The following BAALC variants were observed in gnomAD, a reference collection of about 807,000 sequenced individuals.
BAALC encodes the protein BAALC binder of MAP3K1 and KLF4.
Under a neutral mutation model 15.5 loss-of-function variants are expected in BAALC, and 9 were observed. That is an observed-to-expected ratio of 0.58 (90% CI 0.35 to 1.02). The LOEUF (loss-of-function observed/expected upper bound fraction) is 1.02, where lower values mean the gene tolerates loss of function less well. BAALC is among the 50% of genes least tolerant of loss of function. The probability of loss-of-function intolerance (pLI) is 0.02; values close to 1 mark genes in which losing one functional copy is unlikely to be tolerated. For missense variants in BAALC, 201 were observed against 192.4 expected (o/e 1.04, Z -0.27); for synonymous variants, 80 against 74.6 (o/e 1.07, Z -0.37).
intron 1 of BAALC, among the ~76,000 whole-genome samples, chr8:103,179,371 G>A (rs192959607): frequency 8.5e-5 from 13 of 152,344 alleles, no homozygotes; most frequent in Non-Finnish European, 1.9e-4. Context: ...TTGTTGGGAA[G>A]TGCTCCTAGC....
intron 1 of BAALC, among the ~76,000 whole-genome samples, chr8:103,192,788 A>G (rs1259909240): frequency 1.3e-5 from 2 of 152,152 alleles, no homozygotes; most frequent in Non-Finnish European, 2.9e-5. Context: ...TGCCATTGCC[A>G]TGGGACAGCA....
intron 1 of BAALC, among the ~76,000 whole-genome samples, chr8:103,157,204 G>T (rs1563636844): frequency 2.0e-5 from 3 of 151,976 alleles, no homozygotes; most frequent in Non-Finnish European, 2.9e-5. Context: ...CCATCTGGTT[G>T]CAATTGCTCA....
chr8:103,151,253 G>A (rs962173080), intron 1 of BAALC, among the ~76,000 whole-genome samples: 1 of 152,058 alleles, frequency 6.6e-6, no homozygotes, highest in Non-Finnish European at 1.5e-5. Context: ...TCCTGACTTC[G>A]TGATCTGCCT....
intron 1 of BAALC, among the ~76,000 whole-genome samples, chr8:103,203,221 C>T (rs1046727273): frequency 6.6e-6 from 1 of 152,186 alleles, no homozygotes; most frequent in African/African-American, 2.4e-5. Context: ...TGGTTCATCA[C>T]AGGGAACAGT....
In BAALC at chr8:103,140,951, C is replaced by G. The variant is rs955443534; in HGVS notation, c.54C>G (p.Ser18Arg). The change falls in exon 1 of 3, where the codon AGC becomes AGG. Residue 18 changes from serine to arginine, a missense_variant. Coordinates refer to ENST00000309982, the MANE Select transcript of BAALC (RefSeq NM_024812.3). The surrounding 1 kb of genome is among the most constrained non-coding windows in gnomAD (Gnocchi z 4.2). ...CCATCGAGCCCCGCTACTACGAGAG[C>G]TGGACCCGGGAGACAGAATCCACCT... ...ADAIEPRYYESWTRETESTWL... is the reference protein window; with the variant it reads ...ADAIEPRYYERWTRETESTWL... The G allele has an allele frequency of 1.5e-5, 23 of 1,540,382 alleles. No homozygotes were observed. Among genetic ancestry groups the G allele is most frequent in the Non-Finnish European group, 1.9e-5 (22 of 1,144,496 alleles).
intron 2 of BAALC, among the ~76,000 whole-genome samples, chr8:103,225,313 T>C (rs1043992127): frequency 6.6e-6 from 1 of 152,202 alleles, no homozygotes; most frequent in Non-Finnish European, 1.5e-5. Flanking sequence ...AGCAATGACA[T>C]CCTATCTCAT....
intron 1 of BAALC, among the ~76,000 whole-genome samples, chr8:103,147,772 T>C (rs1810908117): frequency 6.6e-6 from 1 of 152,222 alleles, no homozygotes; most frequent in South Asian, 2.1e-4. Context: ...AGCAGACCTT[T>C]GGCCTCCGCT....
chr8:103,173,431 T>C (rs1179691214), intron 1 of BAALC, among the ~76,000 whole-genome samples: 1 of 152,246 alleles, frequency 6.6e-6, no homozygotes, highest in African/African-American at 2.4e-5. Context: ...CATTTCAGCC[T>C]TTAAAACAAT....
intron 1 of BAALC, among the ~76,000 whole-genome samples, chr8:103,142,206 C>A (rs767564857): frequency 1.3e-5 from 2 of 152,188 alleles, no homozygotes; most frequent in Non-Finnish European, 2.9e-5. Context: ...AAATCCATGC[C>A]TACTAAATAG....
At chr8:103,197,046 C>A (rs909676132) in intron 1 of BAALC, among the ~76,000 whole-genome samples, 5 of 152,204 alleles carry the variant, frequency 3.3e-5, no homozygotes, top group African/African-American at 1.2e-4. Flanking sequence ...TTTAGATATG[C>A]TTCACCCTAG....
chr8:103,158,267 G>A (rs1811143368), intron 1 of BAALC, among the ~76,000 whole-genome samples: 1 of 152,142 alleles, frequency 6.6e-6, no homozygotes, highest in Non-Finnish European at 1.5e-5. Context: ...CAGTTAGACA[G>A]GAGGAAAACC....
At chr8:103,142,867 G>A (rs1430707583) in intron 1 of BAALC, among the ~76,000 whole-genome samples, 1 of 152,114 alleles carries the variant, frequency 6.6e-6, no homozygotes. Context: ...GTGGGGCCTG[G>A]GACAGACACA....
At chr8:103,195,525 G>A (rs1200554776) in intron 1 of BAALC, among the ~76,000 whole-genome samples, 1 of 152,208 alleles carries the variant, frequency 6.6e-6, no homozygotes, top group Admixed American at 6.5e-5. Context: ...TTCATTGGGA[G>A]TCCCTGGGAA....
intron 1 of BAALC, among the ~76,000 whole-genome samples, chr8:103,199,755 C>T (rs550344343): frequency 1.3e-5 from 2 of 150,894 alleles, no homozygotes; most frequent in East Asian, 3.9e-4. Flanking sequence ...ATTTCATTAC[C>T]CAGGTATTAA....
chr8:103,208,836 G>C (rs1408294373), intron 1 of BAALC, among the ~76,000 whole-genome samples: 1 of 152,122 alleles, frequency 6.6e-6, no homozygotes, highest in Non-Finnish European at 1.5e-5. Context: ...TCAGCAACTG[G>C]ATTGCATTGG....
rs894439109 is a variant in BAALC, at chr8:103,140,847, C to T, written c.-51C>T. Reference sequence around the variant, plus strand: ...GGCTGCGCCTCCGGGGCTGAGCCGCCGCCAGAGCCGACAGCCGAGCAGCCG... The same window carrying T: ...GGCTGCGCCTCCGGGGCTGAGCCGCTGCCAGAGCCGACAGCCGAGCAGCCG... On this transcript the variant is annotated 5_prime_UTR_variant, in exon 1 of 3. Transcript: ENST00000309982. The surrounding 1 kb of genome is among the most constrained non-coding windows in gnomAD (Gnocchi z 4.2). 18 of 1,418,566 alleles carry T rather than the reference C, an allele frequency of 1.3e-5. No individual in the cohort carries two copies. Among genetic ancestry groups the T allele is most frequent in the African/African-American group, 7.5e-5 (5 of 66,422 alleles). 87.9% of individuals were successfully genotyped at this position (1,418,566 alleles called of 1,614,324 possible).
chr8:103,176,540 G>T (rs1420539857), intron 1 of BAALC, among the ~76,000 whole-genome samples: 2 of 151,950 alleles, frequency 1.3e-5, no homozygotes, highest in Admixed American at 6.5e-5. Context: ...GAAACACACC[G>T]ATCTTGCTAA....
chr8:103,222,182 A>C (rs1586444255), intron 2 of BAALC, among the ~76,000 whole-genome samples: 1 of 152,170 alleles, frequency 6.6e-6, no homozygotes, highest in Admixed American at 6.5e-5. Context: ...CTTAGATGGC[A>C]GACTATAGAG....
At chr8:103,218,558 TC>T (rs1237627489) in intron 2 of BAALC, among the ~76,000 whole-genome samples, 1 of 151,166 alleles carries the variant, frequency 6.6e-6, no homozygotes, top group South Asian at 2.1e-4. Flanking sequence ...GGACTCTTAT[TC>T]CCCCCCACCC....
Sources: allele counts gnomAD v4.1 joint callset (sites outside exome capture counted in the v4.1 genomes callset), GRCh38; gene constraint gnomAD v4.1.1; non-coding constraint Gnocchi (gnomAD v3.1); transcripts MANE v1.5; gene names NCBI Gene and HGNC (gene_info 2026-07-23, HGNC 2026-07-21).